CADM2: variants seen among roughly 807,000 people sequenced by gnomAD.
The protein encoded by CADM2 is cell adhesion molecule 2, also known as immunoglobulin superfamily member 4D.
Under a neutral mutation model 49.8 loss-of-function variants are expected in CADM2, and 12 were observed. That is an observed-to-expected ratio of 0.24 (90% CI 0.15 to 0.39). CADM2 has a LOEUF of 0.39. CADM2 is among the 10% of genes least tolerant of loss of function. The probability of loss-of-function intolerance (pLI) is 1.00; values close to 1 mark genes in which losing one functional copy is unlikely to be tolerated. For synonymous variants in CADM2, 214 were observed against 175.4 expected (o/e 1.22, Z -1.74); for missense variants, 378 against 492.3 (o/e 0.77, Z 2.20).
At chr3:85,696,844 C>G (rs1047076083) in intron 1 of CADM2, among the ~76,000 whole-genome samples, 1 of 151,638 alleles carries the variant, frequency 6.6e-6, no homozygotes, top group African/African-American at 2.4e-5. Flanking sequence ...AGGTGATAGC[C>G]AGGGTGGCCA....
At chr3:85,496,220 C>A (rs557944184) in intron 1 of CADM2, among the ~76,000 whole-genome samples, 1 of 152,170 alleles carries the variant, frequency 6.6e-6, no homozygotes. Context: ...CTTTTGGAAT[C>A]TCCAGTGCCT....
chr3:85,011,644 T>C (rs1369080589), intron 1 of CADM2, among the ~76,000 whole-genome samples: 2 of 152,148 alleles, frequency 1.3e-5, no homozygotes, highest in Non-Finnish European at 2.9e-5. Flanking sequence ...AATTTTATGT[T>C]TAAAACCTTT....
intron 1 of CADM2, among the ~76,000 whole-genome samples, chr3:85,537,945 G>T (rs1325781645): frequency 6.6e-6 from 1 of 152,082 alleles, no homozygotes; most frequent in Non-Finnish European, 1.5e-5. Context: ...AGAAATCACA[G>T]ACAGCTAATG....
At chr3:85,764,401 C>A (rs1023882895) in intron 2 of CADM2, among the ~76,000 whole-genome samples, 7 of 151,964 alleles carry the variant, frequency 4.6e-5, no homozygotes, top group Non-Finnish European at 8.8e-5. Flanking sequence ...TTAAATAAGA[C>A]AATGTCATGA....
intron 1 of CADM2, among the ~76,000 whole-genome samples, chr3:85,458,130 G>T (rs2038077615): frequency 1.3e-5 from 2 of 152,060 alleles, no homozygotes; most frequent in African/African-American, 4.8e-5. Flanking sequence ...CTTCTAAAAT[G>T]CTTTATACCT....
chr3:85,573,096 A>C (rs2107254109), intron 1 of CADM2, among the ~76,000 whole-genome samples: 1 of 152,208 alleles, frequency 6.6e-6, no homozygotes, highest in South Asian at 2.1e-4. Flanking sequence ...GTATTTCGAC[A>C]AAAATAGCTT....
intron 1 of CADM2, among the ~76,000 whole-genome samples, chr3:85,111,532 C>T (rs761081660): frequency 1.4e-4 from 21 of 151,716 alleles, no homozygotes; most frequent in Non-Finnish European, 3.0e-4. Context: ...AAACATCATA[C>T]GTTCTCACTT....
At chr3:85,138,156 T>C (rs945603910) in intron 1 of CADM2, among the ~76,000 whole-genome samples, 1 of 152,204 alleles carries the variant, frequency 6.6e-6, no homozygotes, top group Admixed American at 6.5e-5. Context: ...GCCATTATTT[T>C]CAGCTGTTCT....
At chr3:85,350,277 A>G (rs1032834846) in intron 1 of CADM2, among the ~76,000 whole-genome samples, 7 of 152,158 alleles carry the variant, frequency 4.6e-5, no homozygotes, top group Non-Finnish European at 1.0e-4. Context: ...AGTTTATTTT[A>G]ATGTTGATAT....
intron 6 of CADM2, among the ~76,000 whole-genome samples, chr3:85,917,179 C>A (rs1044704596): frequency 2.6e-4 from 39 of 151,976 alleles, no homozygotes; most frequent in Admixed American, 3.9e-4. Flanking sequence ...TAATTAGATC[C>A]CATTTGTCAA....
At chr3:85,933,343 G>A (rs1021360926) in intron 6 of CADM2, among the ~76,000 whole-genome samples, 3 of 151,802 alleles carry the variant, frequency 2.0e-5, no homozygotes, top group Admixed American at 6.6e-5. Context: ...ACTCACTCTC[G>A]GTTCCACAGT....
intron 1 of CADM2, among the ~76,000 whole-genome samples, chr3:85,628,687 A>ATG (rs1056465071): frequency 6.7e-6 from 1 of 148,354 alleles, no homozygotes; most frequent in South Asian, 2.1e-4. Context: ...ATATATATAT[A>ATG]TATAATTTGC....
chr3:85,132,117 C>A (rs1403326167), intron 1 of CADM2, among the ~76,000 whole-genome samples: 1 of 152,074 alleles, frequency 6.6e-6, no homozygotes, highest in Non-Finnish European at 1.5e-5. Context: ...TTTTAAAAAT[C>A]CTTATTTTAC....
intron 3 of CADM2, among the ~76,000 whole-genome samples, chr3:85,848,268 A>G (rs930237641): frequency 1.3e-5 from 2 of 152,248 alleles, no homozygotes; most frequent in East Asian, 1.9e-4. Flanking sequence ...AATAATTGCT[A>G]TCTCAGTATT....
intron 1 of CADM2, among the ~76,000 whole-genome samples, chr3:85,330,393 A>G (rs2044883980): frequency 1.3e-5 from 2 of 151,988 alleles, no homozygotes; most frequent in South Asian, 2.1e-4. Context: ...TCTTGTTTAA[A>G]CTCTTGTATG....
chr3:85,459,040 G>T (rs1038123127), intron 1 of CADM2, among the ~76,000 whole-genome samples: 4 of 152,136 alleles, frequency 2.6e-5, no homozygotes, highest in African/African-American at 9.7e-5. Flanking sequence ...TAGTGTTATT[G>T]TAGACCAAAT....
intron 1 of CADM2, among the ~76,000 whole-genome samples, chr3:85,157,749 C>T (rs1451961755): frequency 6.6e-6 from 1 of 151,896 alleles, no homozygotes; most frequent in East Asian, 1.9e-4. Context: ...AGAAGAAAAC[C>T]TAGGCATTAC....
intron 3 of CADM2, among the ~76,000 whole-genome samples, chr3:85,869,229 T>C (rs1021837808): frequency 6.6e-6 from 1 of 152,162 alleles, no homozygotes; most frequent in African/African-American, 2.4e-5. Flanking sequence ...GTGAAATATG[T>C]CACTTTACTC....
intron 1 of CADM2, among the ~76,000 whole-genome samples, chr3:85,192,169 A>G (rs2041225379): frequency 6.6e-6 from 1 of 152,096 alleles, no homozygotes; most frequent in Non-Finnish European, 1.5e-5. Context: ...AATCAACTTT[A>G]TGGTGTACTA....
Sources: gnomAD v4.1 joint callset for allele counts (sites outside exome capture counted in the v4.1 genomes callset) on GRCh38, gnomAD v4.1.1 for gene constraint, MANE v1.5 for transcripts, NCBI Gene and HGNC (gene_info 2026-07-23, HGNC 2026-07-21) for gene names.